The following GPC6 variants were observed in gnomAD, a reference collection of about 807,000 sequenced individuals.
The protein encoded by GPC6 is glypican-6.
Under a neutral mutation model 55.2 loss-of-function variants are expected in GPC6, and 14 were observed. The ratio of observed to expected loss-of-function variants is 0.25; its 90% CI spans 0.17 to 0.40. The LOEUF is 0.40. Ranked by LOEUF, GPC6 falls within the 10% of genes least tolerant of loss-of-function variation. The pLI is 1.00. For synonymous variants in GPC6, 278 were observed against 259.6 expected (o/e 1.07, Z -0.68); for missense variants, 641 against 708.5 (o/e 0.90, Z 1.08).
At chr13:93,932,783 A>G (rs542215588) in intron 3 of GPC6, among the ~76,000 whole-genome samples, 9 of 152,056 alleles carry the variant, frequency 5.9e-5, no homozygotes, top group Non-Finnish European at 1.3e-4. Context: ...TCCTGACAGA[A>G]CTGTGATGAA....
Position 93,994,257 on chromosome 13 carries a change from A to G in GPC6, c.712-33472A>G, listed in dbSNP as rs1295239763. ...TCTATGTAACTCTTTATTCTTGGTA[A>G]GGTTTATTGCTATACCATAACCTCT... On this transcript the variant is annotated intron_variant, in intron 3 of 8. Transcript: ENST00000377047. 2.0e-5 allele frequency among the ~76,000 whole-genome samples: 3 copies of G among 152,170 alleles called. No individual in the cohort carries two copies. The East Asian group carries it at 5.8e-4, about 29-fold the overall frequency.
At chr13:93,708,502 A>C (rs1488553558) in intron 2 of GPC6, among the ~76,000 whole-genome samples, 1 of 151,764 alleles carries the variant, frequency 6.6e-6, no homozygotes, top group Non-Finnish European at 1.5e-5. Context: ...TGGACTTTTT[A>C]TCAGTCTTTG....
chr13:94,349,805 C>T (rs1454654967), intron 6 of GPC6, among the ~76,000 whole-genome samples: 1 of 152,166 alleles, frequency 6.6e-6, no homozygotes, highest in Non-Finnish European at 1.5e-5. Flanking sequence ...GTAACTGTGT[C>T]ACATGCCCTT....
chr13:94,217,314 T>C (rs1042225958), intron 4 of GPC6, among the ~76,000 whole-genome samples: 1 of 152,216 alleles, frequency 6.6e-6, no homozygotes, highest in Admixed American at 6.5e-5. Flanking sequence ...TCAATAATGT[T>C]CAAAACTTAT....
intron 7 of GPC6, among the ~76,000 whole-genome samples, chr13:94,395,390 A>G (rs991600012): frequency 1.3e-5 from 2 of 152,222 alleles, no homozygotes; most frequent in Non-Finnish European, 1.5e-5. Flanking sequence ...AGCTTCATGG[A>G]AAAGAATTTA....
intron 4 of GPC6, among the ~76,000 whole-genome samples, chr13:94,125,979 G>GAAT (rs1402019973): frequency 6.6e-6 from 1 of 152,046 alleles, no homozygotes; most frequent in African/African-American, 2.4e-5. Context: ...CCATGTAAAT[G>GAAT]AATATATACA....
chr13:93,854,846 AT>A (rs1385182601), intron 3 of GPC6, among the ~76,000 whole-genome samples: 1 of 151,612 alleles, frequency 6.6e-6, no homozygotes, highest in African/African-American at 2.4e-5. Flanking sequence ...ATCTAAGTAC[AT>A]TTTTTTAAAA....
chr13:94,371,444 A>C (rs1400091368), intron 6 of GPC6, among the ~76,000 whole-genome samples: 1 of 152,134 alleles, frequency 6.6e-6, no homozygotes, highest in Non-Finnish European at 1.5e-5. Flanking sequence ...CTGCATTTGA[A>C]TTTGAATCTC....
chr13:93,818,922 T>C (rs1266164992), intron 2 of GPC6: 4 of 152,232 alleles, frequency 2.6e-5, no homozygotes, highest in Non-Finnish European at 4.4e-5. Flanking sequence ...AAAATGAAAG[T>C]GTTGGAGAAC....
intron 2 of GPC6, among the ~76,000 whole-genome samples, chr13:93,817,853 G>A (rs1420764495): frequency 1.4e-5 from 2 of 141,018 alleles, no homozygotes; most frequent in Non-Finnish European, 3.0e-5. Flanking sequence ...GTGAGACCCT[G>A]TTTCAAAAAA....
chr13:94,103,824 T>G (rs1362198852), intron 4 of GPC6, among the ~76,000 whole-genome samples: 1 of 152,224 alleles, frequency 6.6e-6, no homozygotes, highest in African/African-American at 2.4e-5. Context: ...TTTCTCCCAT[T>G]CTCTAGGTTG....
In GPC6 at chr13:94,140,505, G is replaced by A. The variant is rs76334224; in HGVS notation, c.877+112611G>A. 2.6e-3 allele frequency among the ~76,000 whole-genome samples: 396 copies of A among 152,304 alleles called. 1 individual carries two copies. Among genetic ancestry groups the A allele is most frequent in the Non-Finnish European group, 4.4e-3 (298 of 68,030 alleles). On this transcript the variant is annotated intron_variant, in intron 4 of 8. Coordinates refer to ENST00000377047, the MANE Select transcript of GPC6 (RefSeq NM_005708.5). ...AATTGTGTTCTGGGAACTGTTGGAA[G>A]CATTCACAAGCAATGGCTCAGTTAA...
chr13:93,247,145 T>A (rs546037820), intron 1 of GPC6, among the ~76,000 whole-genome samples: 1 of 152,140 alleles, frequency 6.6e-6, no homozygotes, highest in Non-Finnish European at 1.5e-5. Context: ...AGATACCTAA[T>A]TCTTTAAAGA....
rs1594376660 is a variant in GPC6 at position 93,692,870 on chromosome 13, T to A, written c.320-137284T>A. Among the ~76,000 whole-genome samples, 3 of 152,274 alleles carry A rather than the reference T, an allele frequency of 2.0e-5. No homozygotes were observed. The East Asian group carries it at 5.8e-4, about 29-fold the overall frequency. On this transcript the variant is annotated intron_variant, in intron 2 of 8. Coordinates refer to ENST00000377047, the MANE Select transcript of GPC6 (RefSeq NM_005708.5). ...TTAATTCTTTCATGAATTAAGTGAA[T>A]AAAAGTACTCTATCATTTACTTTTA...
At chr13:94,242,902 CTTTA>C (rs1891096885) in intron 4 of GPC6, among the ~76,000 whole-genome samples, 1 of 151,638 alleles carries the variant, frequency 6.6e-6, no homozygotes, top group Non-Finnish European at 1.5e-5. Context: ...TGTCATATAC[CTTTA>C]TTTAACTTTA....
chr13:93,336,799 G>A (rs569013242), intron 1 of GPC6, among the ~76,000 whole-genome samples: 10 of 152,110 alleles, frequency 6.6e-5, no homozygotes, highest in South Asian at 4.1e-4. Flanking sequence ...GGCCTTTCTC[G>A]ATGGGCATCC....
intron 1 of GPC6, among the ~76,000 whole-genome samples, chr13:93,384,880 A>G (rs915352316): frequency 1.3e-5 from 2 of 152,196 alleles, no homozygotes; most frequent in Admixed American, 6.5e-5. Flanking sequence ...TCATTCATAC[A>G]AAAACGCATC....
intron 1 of GPC6, among the ~76,000 whole-genome samples, chr13:93,390,600 T>C (rs1875588175): frequency 6.6e-6 from 1 of 152,134 alleles, no homozygotes; most frequent in Non-Finnish European, 1.5e-5. Context: ...TTTAAAGGCA[T>C]TTAGTTTCCA....
chr13:94,017,627 G>A (rs1456189812), intron 3 of GPC6, among the ~76,000 whole-genome samples: 2 of 152,098 alleles, frequency 1.3e-5, no homozygotes, highest in Non-Finnish European at 2.9e-5. Context: ...CAAACCATAT[G>A]TTATAGGATC....
Sources: allele counts gnomAD v4.1 joint callset (sites outside exome capture counted in the v4.1 genomes callset), GRCh38; gene constraint gnomAD v4.1.1; transcripts MANE v1.5; gene names NCBI Gene and HGNC (gene_info 2026-07-23, HGNC 2026-07-21).